SEMA3D: variants seen among roughly 807,000 people sequenced by gnomAD.
The protein encoded by SEMA3D is semaphorin-3D.
Under a neutral mutation model 100.1 loss-of-function variants are expected in SEMA3D, and 84 were observed. The ratio of observed to expected loss-of-function variants is 0.84; its 90% CI spans 0.70 to 1.01. The LOEUF is 1.01. SEMA3D is among the 50% of genes least tolerant of loss of function. SEMA3D has a pLI of 0.00. For missense variants in SEMA3D, 875 were observed against 934.1 expected, an observed-to-expected ratio of 0.94 and a Z score of 0.82; for synonymous variants, 312 against 320.7, an observed-to-expected ratio of 0.97 and a Z score of 0.29.
At chr7:85,098,870 T>A (rs1197961817) in intron 3 of SEMA3D, among the ~76,000 whole-genome samples, 1 of 151,932 alleles carries the variant, frequency 6.6e-6, no homozygotes, top group Non-Finnish European at 1.5e-5. Flanking sequence ...ATCACTAATT[T>A]TTTTACTGTC....
chr7:85,124,323 A>G (rs987095766), intron 2 of SEMA3D, among the ~76,000 whole-genome samples: 2 of 151,882 alleles, frequency 1.3e-5, no homozygotes, highest in African/African-American at 4.8e-5. Context: ...ATTCCAATAC[A>G]AGTTTTAAAT....
At chr7:85,172,877 T>C (rs1343898009) in intron 1 of SEMA3D, among the ~76,000 whole-genome samples, 3 of 152,068 alleles carry the variant, frequency 2.0e-5, no homozygotes, top group Non-Finnish European at 4.4e-5. Context: ...AATTAGGTCA[T>C]TTTGTTTCCC....
intron 12 of SEMA3D, among the ~76,000 whole-genome samples, chr7:85,035,248 T>A (rs541179158): frequency 2.6e-4 from 39 of 151,332 alleles, no homozygotes; most frequent in Admixed American, 1.3e-3. Flanking sequence ...TATACATACA[T>A]CATACATATA....
intron 9 of SEMA3D, among the ~76,000 whole-genome samples, chr7:85,053,929 G>GTGTA (rs1244664435): frequency 6.6e-6 from 1 of 151,882 alleles, no homozygotes; most frequent in Non-Finnish European, 1.5e-5. Context: ...TTTTGTGTGT[G>GTGTA]TGTATGTGTG....
intron 3 of SEMA3D, among the ~76,000 whole-genome samples, chr7:85,109,599 T>A (rs1234149444): frequency 6.6e-6 from 1 of 151,984 alleles, no homozygotes; most frequent in Non-Finnish European, 1.5e-5. Context: ...TCTTTTGAAT[T>A]AGTTGGATTA....
intron 2 of SEMA3D, among the ~76,000 whole-genome samples, chr7:85,135,252 C>T (rs937043455): frequency 3.9e-5 from 6 of 151,980 alleles, no homozygotes; most frequent in African/African-American, 1.2e-4. Context: ...TAAACAATGG[C>T]TATTATGACA....
intron 6 of SEMA3D, among the ~76,000 whole-genome samples, chr7:85,070,740 T>C (rs867086183): frequency 1.3e-5 from 2 of 152,220 alleles, no homozygotes; most frequent in Non-Finnish European, 2.9e-5. Context: ...AAGTTGCTAA[T>C]TAGCTCCATC....
intron 17 of SEMA3D, among the ~76,000 whole-genome samples, chr7:85,008,598 T>C (rs1258976809): frequency 6.6e-6 from 1 of 151,720 alleles, no homozygotes; most frequent in Non-Finnish European, 1.5e-5. Context: ...AAATCCAAAA[T>C]GCTCCAAAAT....
chr7:85,003,271 A>G (rs958480993), intron 18 of SEMA3D, among the ~76,000 whole-genome samples: 52 of 152,230 alleles, frequency 3.4e-4, no homozygotes, highest in African/African-American at 1.2e-3. Context: ...GACAATTAAT[A>G]TTTTAAGTAA....
rs1178479747 is a variant in SEMA3D at position 85,030,270 on chromosome 7, A to T, written c.1191+6619T>A. Reference sequence around the variant, plus strand: ...AGGCTTTTCTGGTGTTTGAGCTATTAATAAAAATTATCATGCATTTATGTT... The same window carrying T: ...AGGCTTTTCTGGTGTTTGAGCTATTTATAAAAATTATCATGCATTTATGTT... On this transcript the variant is annotated intron_variant, in intron 12 of 18. Transcript: ENST00000284136. Among the ~76,000 whole-genome samples, 9 of 151,536 alleles carry T rather than the reference A, an allele frequency of 5.9e-5. No individual in the cohort carries two copies. In the East Asian group the frequency reaches 1.2e-3, roughly 20 times the overall value.
At chr7:85,153,342 G>C (rs1790486716) in intron 2 of SEMA3D, among the ~76,000 whole-genome samples, 1 of 152,104 alleles carries the variant, frequency 6.6e-6, no homozygotes, top group South Asian at 2.1e-4. Context: ...ATACAGCAGA[G>C]ACCCAATCAT....
At chr7:85,141,897 TA>T (rs1437910939) in intron 2 of SEMA3D, 1 of 970,556 alleles carries the variant, frequency 1.0e-6, no homozygotes, top group Non-Finnish European at 1.2e-6. Context: ...GGAGTAAATT[TA>T]GATTTCTCAG....
At chr7:85,170,012 G>A (rs898171717) in intron 1 of SEMA3D, among the ~76,000 whole-genome samples, 4 of 151,648 alleles carry the variant, frequency 2.6e-5, no homozygotes, top group African/African-American at 7.3e-5. Flanking sequence ...TCTGATGGAC[G>A]GAGAAGGTGA....
chr7:85,177,259 C>A (rs932116374), intron 1 of SEMA3D, among the ~76,000 whole-genome samples: 1 of 152,046 alleles, frequency 6.6e-6, no homozygotes, highest in Admixed American at 6.6e-5. Context: ...TTGCTGGCCA[C>A]TCTATATTGT....
At chr7:85,029,870 A>T (rs1790497001) in intron 12 of SEMA3D, among the ~76,000 whole-genome samples, 1 of 152,096 alleles carries the variant, frequency 6.6e-6, no homozygotes. Context: ...ATTGCACTTT[A>T]TAAACATTGT....
chr7:85,150,356 T>TATAC (rs1356581876), intron 2 of SEMA3D, among the ~76,000 whole-genome samples: 1 of 141,684 alleles, frequency 7.1e-6, no homozygotes, highest in Admixed American at 7.3e-5. Flanking sequence ...AATATATATA[T>TATAC]ATATATATAT....
At chr7:85,130,268 A>C (rs907196826) in intron 2 of SEMA3D, among the ~76,000 whole-genome samples, 3 of 152,158 alleles carry the variant, frequency 2.0e-5, no homozygotes, top group Admixed American at 6.6e-5. Flanking sequence ...ATTGATGATG[A>C]CTTATGCAAT....
At chr7:85,060,468 C>A (rs1306268164) in intron 8 of SEMA3D, among the ~76,000 whole-genome samples, 2 of 152,058 alleles carry the variant, frequency 1.3e-5, no homozygotes, top group East Asian at 3.9e-4. Context: ...ATCAATTAAA[C>A]AACTTAAAAT....
At chr7:85,030,467 G>T (rs1257452411) in intron 12 of SEMA3D, among the ~76,000 whole-genome samples, 1 of 151,930 alleles carries the variant, frequency 6.6e-6, no homozygotes, top group Non-Finnish European at 1.5e-5. Context: ...AACAATTTGG[G>T]AGCAAATGGA....
Sources: allele counts gnomAD v4.1 joint callset (sites outside exome capture counted in the v4.1 genomes callset), GRCh38; gene constraint gnomAD v4.1.1; transcripts MANE v1.5; gene names NCBI Gene and HGNC (gene_info 2026-07-23, HGNC 2026-07-21).